Variants in INPP4B observed in about 807,000 individuals in gnomAD.
INPP4B encodes the protein inositol polyphosphate 4-phosphatase type II.
In INPP4B, 55 loss-of-function variants were observed where a neutral mutation model predicts 122.5. The observed-to-expected ratio is 0.45, with a 90% CI of 0.36 to 0.56. The LOEUF (loss-of-function observed/expected upper bound fraction) is 0.56, where lower values mean the gene tolerates loss of function less well. Ranked by LOEUF, INPP4B falls within the 20% of genes least tolerant of loss-of-function variation. The probability of loss-of-function intolerance (pLI) is 0.00; values close to 1 mark genes in which losing one functional copy is unlikely to be tolerated. For missense variants in INPP4B, 1,000 were observed against 1,097.7 expected, an observed-to-expected ratio of 0.91 and a Z score of 1.26; for synonymous variants, 403 against 388.7, an observed-to-expected ratio of 1.04 and a Z score of -0.43.
At chr4:142,735,987 T>C (rs1001365378) in intron 1 of INPP4B, among the ~76,000 whole-genome samples, 1 of 151,034 alleles carries the variant, frequency 6.6e-6, no homozygotes, top group African/African-American at 2.4e-5. Context: ...ATTCTCTGAA[T>C]TGCATTTTAG....
chr4:142,628,037 C>T lies in INPP4B; in HGVS notation c.-191+97802G>A, dbSNP rs541789600. ...TCTTCTAGATTTTCTAGTTTATTTG[C>T]GTACCCAGCCATCCCATTACTGGGT... On this transcript the variant is annotated intron_variant, in intron 2 of 25. Coordinates refer to ENST00000262992, the MANE Select transcript of INPP4B (RefSeq NM_001101669.3). Among the ~76,000 whole-genome samples the T allele has an allele frequency of 2.6e-4, 40 of 152,094 alleles. 1 individual carries two copies. The East Asian group carries it at 4.3e-3, about 16-fold the overall frequency.
At chr4:142,536,794 T>C (rs777333202) in intron 2 of INPP4B, among the ~76,000 whole-genome samples, 7 of 152,034 alleles carry the variant, frequency 4.6e-5, no homozygotes, top group Non-Finnish European at 1.0e-4. Context: ...AGGACAACCG[T>C]TCTTTTTTTC....
At chr4:142,262,273 A>G (rs1366134831) in intron 10 of INPP4B, among the ~76,000 whole-genome samples, 1 of 152,086 alleles carries the variant, frequency 6.6e-6, no homozygotes, top group Non-Finnish European at 1.5e-5. Flanking sequence ...CTGCCCCATG[A>G]ATCTCAGCCC....
At position 142,204,589 on chromosome 4, in the gene INPP4B, T is replaced by A. The variant is rs533595099; in HGVS notation, c.1072+3836A>T. On this transcript the variant is annotated intron_variant, in intron 14 of 25. Transcript: ENST00000262992. ...CTCAGAATGTGACTTTATTTGGAAA[T>A]AAGTTCTTTACAGATATAATCCACT... Among the ~76,000 whole-genome samples the A allele has an allele frequency of 1.1e-4, 17 of 152,260 alleles. No homozygotes were observed. In the South Asian group the frequency reaches 3.5e-3, roughly 32 times the overall value.
At chr4:142,606,963 G>C (rs1368278815) in intron 2 of INPP4B, among the ~76,000 whole-genome samples, 1 of 151,618 alleles carries the variant, frequency 6.6e-6, no homozygotes, top group Non-Finnish European at 1.5e-5. Context: ...AGAATAATTA[G>C]AAACCTAAAT....
chr4:142,186,873 T>C (rs761407546), intron 15 of INPP4B, among the ~76,000 whole-genome samples: 1 of 152,188 alleles, frequency 6.6e-6, no homozygotes, highest in Non-Finnish European at 1.5e-5. Flanking sequence ...ATTTACTTCA[T>C]ACAGTATGTT....
intron 7 of INPP4B, among the ~76,000 whole-genome samples, chr4:142,335,508 C>A (rs1776290308): frequency 6.6e-6 from 1 of 152,084 alleles, no homozygotes; most frequent in Non-Finnish European, 1.5e-5. Flanking sequence ...TCTTTGCTTC[C>A]TAAGTACCAG....
At chr4:142,523,099 A>G (rs1826318600) in intron 2 of INPP4B, among the ~76,000 whole-genome samples, 1 of 152,146 alleles carries the variant, frequency 6.6e-6, no homozygotes, top group Non-Finnish European at 1.5e-5. Flanking sequence ...GACAAGATAT[A>G]ACAAAAATTG....
Position 142,298,907 on chromosome 4 carries a change from C to T in INPP4B, c.503+6551G>A, listed in dbSNP as rs1020854415. 5.9e-5 allele frequency among the ~76,000 whole-genome samples: 9 copies of T among 151,916 alleles called. No individual in the cohort carries two copies. The East Asian group carries it at 9.7e-4, about 16-fold the overall frequency. ...TATGCCATCTTTTAGAAGATTGAGG[C>T]GAACAGAAGATTATGATAAAACATT... On this transcript the variant is annotated intron_variant, in intron 9 of 25. Transcript: ENST00000262992.
At chr4:142,445,131 T>C (rs1325617892) in intron 3 of INPP4B, among the ~76,000 whole-genome samples, 2 of 151,962 alleles carry the variant, frequency 1.3e-5, no homozygotes, top group African/African-American at 4.8e-5. Flanking sequence ...TGTATACCTA[T>C]GTAACAAACC....
intron 1 of INPP4B, among the ~76,000 whole-genome samples, chr4:142,728,578 G>C (rs749615967): frequency 5.3e-5 from 8 of 152,140 alleles, no homozygotes; most frequent in Non-Finnish European, 1.2e-4. Context: ...GAGACACAGG[G>C]ATGGACATAC....
At chr4:142,777,539 C>A (rs75099833) in intron 1 of INPP4B, among the ~76,000 whole-genome samples, 8,557 of 152,190 alleles carry the variant, frequency 0.056, 357 homozygotes, top group African/African-American at 0.11. Flanking sequence ...CCTACTGACA[C>A]CCTGAGCCTC....
chr4:142,338,299 C>T (rs924903934), intron 7 of INPP4B, among the ~76,000 whole-genome samples: 13 of 152,110 alleles, frequency 8.5e-5, no homozygotes, highest in African/African-American at 2.4e-4. Context: ...TCAGTGGTGC[C>T]ATCTAGGCTC....
intron 7 of INPP4B, among the ~76,000 whole-genome samples, chr4:142,363,610 A>G (rs1281407567): frequency 6.6e-6 from 1 of 151,996 alleles, no homozygotes; most frequent in East Asian, 1.9e-4. Flanking sequence ...AAAGAAATAG[A>G]TGCCCAAAGC....
chr4:142,428,990 G>A (rs1808711675), intron 5 of INPP4B, among the ~76,000 whole-genome samples, 183 bp downstream of exon 5: 1 of 151,866 alleles, frequency 6.6e-6, no homozygotes, highest in Non-Finnish European at 1.5e-5. Context: ...GTATCCTTGG[G>A]CAGCAAGTTA....
intron 8 of INPP4B, among the ~76,000 whole-genome samples, chr4:142,308,058 T>C (rs944735945): frequency 6.6e-6 from 1 of 152,192 alleles, no homozygotes; most frequent in Non-Finnish European, 1.5e-5. Context: ...GTTTCTCCTG[T>C]TCACCAGACC....
At chr4:142,402,793 G>T in intron 7 of INPP4B, 145 bp downstream of exon 7, 1 of 591,786 alleles carries the variant, frequency 1.7e-6, no homozygotes. Context: ...AACATATTTG[G>T]GAAAAAAACA....
intron 15 of INPP4B, among the ~76,000 whole-genome samples, chr4:142,177,980 G>A (rs558492876): frequency 1.3e-5 from 2 of 152,076 alleles, no homozygotes; most frequent in South Asian, 4.2e-4. Context: ...TAATCTCATG[G>A]TTTAAATACA....
chr4:142,631,847 G>A (rs1371373643), intron 2 of INPP4B, among the ~76,000 whole-genome samples: 1 of 152,080 alleles, frequency 6.6e-6, no homozygotes, highest in Non-Finnish European at 1.5e-5. Context: ...CAAGAATGAA[G>A]GTGAACAAAT....
Sources: gnomAD v4.1 joint callset for allele counts (sites outside exome capture counted in the v4.1 genomes callset) on GRCh38, gnomAD v4.1.1 for gene constraint, MANE v1.5 for transcripts, NCBI Gene and HGNC (gene_info 2026-07-23, HGNC 2026-07-21) for gene names.